SAMMSON: variants seen among roughly 807,000 people sequenced by gnomAD.
SAMMSON encodes survival associated mitochondrial melanoma specific oncogenic non-coding RNA.
intron 4 of SAMMSON, chr3:70,071,860 C>G (rs2067231272): frequency 6.6e-6 from 1 of 151,856 alleles, no homozygotes; most frequent in Non-Finnish European, 1.5e-5. Flanking sequence ...TGAGTTCTGT[C>G]CAAGCCCTCT....
Position 70,354,129 on chromosome 3 carries a change from A to G in SAMMSON, n.740-46A>G, listed in dbSNP as rs185770102. 3 of 152,332 alleles carry G rather than the reference A, an allele frequency of 2.0e-5. No homozygotes were observed. In the East Asian group the frequency reaches 5.8e-4, roughly 29 times the overall value. 9.4% of individuals were successfully genotyped at this position (152,332 alleles called of 1,614,324 possible). ...TATGATGATTAAAGTGTTCTGCATC[A>G]TTAATGTATCAATGTAAATATCCTG... On this transcript the variant is annotated intron_variant and non_coding_transcript_variant, in intron 7 of 9. Transcript: ENST00000642114.
chr3:70,393,686 A>G (rs1701068425), downstream of SAMMSON, among the ~76,000 whole-genome samples: 1 of 152,150 alleles, frequency 6.6e-6, no homozygotes, highest in African/African-American at 2.4e-5. Flanking sequence ...AAGGATGGCA[A>G]GGAGTTGGCC....
chr3:70,239,916 A>G (rs144956161), intron 4 of SAMMSON, among the ~76,000 whole-genome samples: 1 of 152,220 alleles, frequency 6.6e-6, no homozygotes, highest in African/African-American at 2.4e-5. Context: ...CGGACAAAAT[A>G]TTACTTTGTG....
At position 70,346,402 on chromosome 3, in the gene SAMMSON, A is replaced by G. The variant is rs528241018; in HGVS notation, n.740-7773A>G. ...ATTTTCTCCTATAGCCTTTCCAAGA[A>G]GTTTTATAATTTTGCATTTTACATT... On this transcript the variant is annotated intron_variant and non_coding_transcript_variant, in intron 7 of 9. Transcript: ENST00000642114. Among the ~76,000 whole-genome samples the G allele has an allele frequency of 1.4e-4, 22 of 151,756 alleles. No homozygotes were observed. The South Asian group carries it at 4.4e-3, about 30-fold the overall frequency.
In SAMMSON at chr3:70,029,680, G is replaced by T. The variant is rs771708160; in HGVS notation, n.417+16008G>T. On this transcript the variant is annotated intron_variant and non_coding_transcript_variant, in intron 3 of 9. Coordinates refer to ENST00000642114, the Ensembl canonical transcript of SAMMSON. Reference sequence around the variant, plus strand: ...TGAGGCACAAGAATCACTTGAACCCGGGAGATGGAGGTTGCAGTGAGCCGA... The same window carrying T: ...TGAGGCACAAGAATCACTTGAACCCTGGAGATGGAGGTTGCAGTGAGCCGA... 2.7e-5 allele frequency among the ~76,000 whole-genome samples: 4 copies of T among 147,184 alleles called. No individual in the cohort carries two copies. In the East Asian group the frequency reaches 8.2e-4, roughly 30 times the overall value.
At chr3:70,093,605 A>G (rs1673631325) in intron 4 of SAMMSON, among the ~76,000 whole-genome samples, 1 of 152,156 alleles carries the variant, frequency 6.6e-6, no homozygotes, top group Non-Finnish European at 1.5e-5. Context: ...GACATTTAGT[A>G]ATGTCCTTCC....
intron 6 of SAMMSON, among the ~76,000 whole-genome samples, chr3:70,281,800 C>T (rs572263896): frequency 2.6e-4 from 39 of 152,264 alleles, no homozygotes; most frequent in Non-Finnish European, 5.4e-4. Context: ...AATTCTTGCA[C>T]ATATGAATCA....
At chr3:70,192,838 G>A (rs972172557) in intron 4 of SAMMSON, among the ~76,000 whole-genome samples, 8 of 152,140 alleles carry the variant, frequency 5.3e-5, no homozygotes, top group African/African-American at 1.9e-4. Flanking sequence ...CTCTATTTTC[G>A]ACAGTTTCTA....
intron 4 of SAMMSON, among the ~76,000 whole-genome samples, chr3:70,076,484 C>T (rs1372073564): frequency 6.6e-6 from 1 of 152,086 alleles, no homozygotes; most frequent in African/African-American, 2.4e-5. Flanking sequence ...CCTCAATGGG[C>T]CACTGATTTC....
chr3:70,022,473 A>C (rs1054593311), intron 3 of SAMMSON, among the ~76,000 whole-genome samples: 1 of 150,404 alleles, frequency 6.6e-6, no homozygotes, highest in Non-Finnish European at 1.5e-5. Flanking sequence ...TGATACTGCC[A>C]GTAGGGAAGA....
At chr3:70,054,661 C>CTTAGA (rs1292808271) in intron 3 of SAMMSON, among the ~76,000 whole-genome samples, 1 of 152,070 alleles carries the variant, frequency 6.6e-6, no homozygotes, top group Non-Finnish European at 1.5e-5. Flanking sequence ...TTCCTCTTAG[C>CTTAGA]TTAGATTCAG....
Position 70,300,712 on chromosome 3 carries a change from T to C in SAMMSON, n.739+9469T>C, listed in dbSNP as rs559079239. Among the ~76,000 whole-genome samples, 27 of 152,232 alleles carry C rather than the reference T, an allele frequency of 1.8e-4. No homozygotes were observed. In the South Asian group the frequency reaches 4.6e-3, roughly 26 times the overall value. On this transcript the variant is annotated intron_variant and non_coding_transcript_variant, in intron 7 of 9. Transcript: ENST00000642114. ...AAGTAAAACTGAAGCAAAAAGTACA[T>C]TCTTCTGTCATAGAACAAGTAATGT...
At chr3:70,232,115 C>T (rs1701564967) in intron 4 of SAMMSON, among the ~76,000 whole-genome samples, 1 of 152,162 alleles carries the variant, frequency 6.6e-6, no homozygotes, top group African/African-American at 2.4e-5. Context: ...GACACGGTGA[C>T]ACTGGCAGCG....
chr3:70,343,931 ATAT>A (rs916607073), intron 7 of SAMMSON, among the ~76,000 whole-genome samples: 1 of 150,108 alleles, frequency 6.7e-6, no homozygotes, highest in African/African-American at 2.4e-5. Context: ...ATATAATTTT[ATAT>A]TATTTTATTT....
At chr3:70,074,589 C>G (rs1462842116) in intron 4 of SAMMSON, among the ~76,000 whole-genome samples, 5 of 152,010 alleles carry the variant, frequency 3.3e-5, no homozygotes, top group Non-Finnish European at 5.9e-5. Flanking sequence ...ATAAATTTGT[C>G]CTTAATCAGG....
At chr3:70,368,375 A>C (rs1222116006) in intron 9 of SAMMSON, among the ~76,000 whole-genome samples, 1 of 151,656 alleles carries the variant, frequency 6.6e-6, no homozygotes, top group Non-Finnish European at 1.5e-5. Context: ...TTAAGTTAAA[A>C]TGCACAGAGA....
chr3:70,159,074 A>G (rs2067603634), intron 4 of SAMMSON, among the ~76,000 whole-genome samples: 1 of 152,064 alleles, frequency 6.6e-6, no homozygotes, highest in South Asian at 2.1e-4. Flanking sequence ...TTTATCATAT[A>G]TTATTATTGT....
chr3:70,206,447 C>T (rs1227440448), intron 4 of SAMMSON: 5 of 394,392 alleles, frequency 1.3e-5, no homozygotes, highest in African/African-American at 6.2e-5. Context: ...GTTTTCAAAT[C>T]GAAGTCTTCG....
chr3:70,375,089 G>A (rs1453586781), intron 9 of SAMMSON, among the ~76,000 whole-genome samples: 1 of 152,102 alleles, frequency 6.6e-6, no homozygotes, highest in Admixed American at 6.6e-5. Context: ...TAGTGCATGA[G>A]AAGAATAGTG....
Sources: gnomAD v4.1 joint callset for allele counts (sites outside exome capture counted in the v4.1 genomes callset) on GRCh38, gnomAD v4.1.1 for gene constraint, MANE v1.5 for transcripts, NCBI Gene and HGNC (gene_info 2026-07-23, HGNC 2026-07-21) for gene names.